Variants in CFAP47 observed in about 807,000 individuals in gnomAD.
CFAP47 encodes cilia and flagella associated protein 47.
CFAP47 carries 29 observed loss-of-function variants against 148.1 expected under a neutral mutation model. The observed-to-expected ratio is 0.20, with a 90% CI of 0.15 to 0.27. CFAP47 has a LOEUF of 0.27. CFAP47 is among the 10% of genes least tolerant of loss of function. CFAP47 has a pLI of 1.00. For missense variants in CFAP47, 1,872 were observed against 1,697.5 expected (o/e 1.10, Z -1.81); for synonymous variants, 664 against 577.3 (o/e 1.15, Z -2.15).
At chrX:36,082,363 C>T (rs1937999302) in intron 29 of CFAP47, among the ~76,000 whole-genome samples, 1 of 111,442 alleles carries the variant, frequency 9.0e-6, no homozygotes. Flanking sequence ...CCCTAATCAC[C>T]AGAAGATAGA....
chrX:36,169,967 C>G (rs1178251242), intron 39 of CFAP47, among the ~76,000 whole-genome samples: 2 of 111,862 alleles, frequency 1.8e-5, no homozygotes, highest in African/African-American at 6.5e-5. Flanking sequence ...AAACAGTGCT[C>G]AGGAATAAGA....
chrX:36,164,475 C>G (rs1602021019), intron 39 of CFAP47, among the ~76,000 whole-genome samples: 2 of 111,575 alleles, frequency 1.8e-5, no homozygotes, highest in Non-Finnish European at 3.8e-5. Flanking sequence ...AGTATAGCTA[C>G]TTCAACATTC....
At chrX:36,020,648 T>C (rs1339843186) in intron 22 of CFAP47, among the ~76,000 whole-genome samples, 1 of 111,893 alleles carries the variant, frequency 8.9e-6, no homozygotes, top group East Asian at 2.8e-4. Context: ...GATAAAAGTG[T>C]AGCTACTCCT....
intron 46 of CFAP47, among the ~76,000 whole-genome samples, chrX:36,231,926 C>T (rs374622854): frequency 9.0e-5 from 10 of 111,255 alleles, no homozygotes; most frequent in South Asian, 3.8e-4. Context: ...TATTGATTTG[C>T]GTATATTGAA....
intron 22 of CFAP47, among the ~76,000 whole-genome samples, chrX:36,029,019 T>G (rs1937252261): frequency 9.0e-6 from 1 of 110,761 alleles, no homozygotes; most frequent in African/African-American, 3.3e-5. Flanking sequence ...CTGGGCTCTT[T>G]TGGGTGGTAG....
intron 47 of CFAP47, among the ~76,000 whole-genome samples, chrX:36,236,406 C>T (rs1555994688): frequency 9.0e-6 from 1 of 111,697 alleles, no homozygotes; most frequent in Non-Finnish European, 1.9e-5. Flanking sequence ...GACAATATTT[C>T]TTTTACATGG....
intron 58 of CFAP47, among the ~76,000 whole-genome samples, chrX:36,348,672 G>C (rs1323229406): frequency 1.8e-5 from 2 of 110,802 alleles, no homozygotes; most frequent in African/African-American, 6.6e-5. Flanking sequence ...CAGCTTGTCT[G>C]AGTGAAGTGA....
At chrX:36,129,560 A>G (rs1485459782) in intron 33 of CFAP47, among the ~76,000 whole-genome samples, 3 of 111,601 alleles carry the variant, frequency 2.7e-5, no homozygotes, top group Non-Finnish European at 5.7e-5. Context: ...CTATGTCTGC[A>G]TTAAAGAATA....
rs781905706 is a variant in CFAP47, at chrX:36,385,013, T to C, written c.*7T>C. The C allele has an allele frequency of 1.4e-4, 160 of 1,112,046 alleles. No individual in the cohort carries two copies. In the South Asian group the frequency reaches 2.9e-3, roughly 20 times the overall value. 91.6% of individuals were successfully genotyped at this position (1,112,046 alleles called of 1,213,427 possible). ...TTTGGTGAAGAATCAATAAAATTTT[T>C]TTCCAAAATATTTCTTGGTCTCAGG... On this transcript the variant is annotated 3_prime_UTR_variant, in exon 64 of 64. Transcript: ENST00000378653.
intron 48 of CFAP47, among the ~76,000 whole-genome samples, chrX:36,247,076 A>G (rs782295322): frequency 2.8e-4 from 31 of 111,802 alleles, no homozygotes; most frequent in African/African-American, 1.0e-3. Flanking sequence ...CATATATACC[A>G]TGGAATACTA....
chrX:36,071,109 C>T (rs956701782), intron 27 of CFAP47, among the ~76,000 whole-genome samples: 7 of 112,468 alleles, frequency 6.2e-5, no homozygotes, highest in African/African-American at 1.9e-4. Context: ...CTACCTCTGG[C>T]TTGCCCTTGA....
chrX:36,118,165 C>A (rs999014407), intron 33 of CFAP47, among the ~76,000 whole-genome samples: 3 of 111,817 alleles, frequency 2.7e-5, no homozygotes, highest in Non-Finnish European at 5.6e-5. Flanking sequence ...AATTTGAAGT[C>A]AGATAATGTG....
intron 45 of CFAP47, among the ~76,000 whole-genome samples, chrX:36,206,651 A>G (rs1237166025): frequency 8.9e-6 from 1 of 111,971 alleles, no homozygotes; most frequent in Non-Finnish European, 1.9e-5. Context: ...ACAGCATAGA[A>G]TTGACTTAAA....
At chrX:36,207,533 T>C (rs1282583387) in intron 45 of CFAP47, among the ~76,000 whole-genome samples, 4 of 111,832 alleles carry the variant, frequency 3.6e-5, no homozygotes, top group Non-Finnish European at 7.5e-5. Context: ...TACTGAAACA[T>C]TTAGTGATTT....
intron 42 of CFAP47, among the ~76,000 whole-genome samples, chrX:36,190,561 C>T (rs781857379): frequency 2.7e-5 from 3 of 112,340 alleles, no homozygotes; most frequent in South Asian, 3.7e-4. Flanking sequence ...GATATTCCGA[C>T]GACAGTCTAT....
chrX:36,279,232 T>C (rs6527550), intron 49 of CFAP47, among the ~76,000 whole-genome samples: 25,811 of 110,301 alleles, frequency 0.23, 2,530 homozygotes, highest in African/African-American at 0.36. Context: ...GTTTTCCATA[T>C]GCGTTTCATT....
chrX:36,314,362 G>A (rs1331007418), intron 56 of CFAP47, among the ~76,000 whole-genome samples: 1 of 111,670 alleles, frequency 9.0e-6, no homozygotes, highest in Non-Finnish European at 1.9e-5. Flanking sequence ...AGCCAGAGTA[G>A]GCCCAGAAAC....
At chrX:36,104,406 A>G in intron 32 of CFAP47, 93 bp from the exon 33 acceptor site, 1 of 374,718 alleles carries the variant, frequency 2.7e-6, no homozygotes, top group Non-Finnish European at 4.7e-6. Flanking sequence ...GCCCTCTTTA[A>G]TCTCCTGTCA....
intron 57 of CFAP47, among the ~76,000 whole-genome samples, chrX:36,332,392 A>T (rs1287145594): frequency 9.0e-6 from 1 of 111,609 alleles, no homozygotes; most frequent in Non-Finnish European, 1.9e-5. Context: ...CATGAGTAGG[A>T]AATAAGTACA....
Sources: gnomAD v4.1 joint callset for allele counts (sites outside exome capture counted in the v4.1 genomes callset) on GRCh38, gnomAD v4.1.1 for gene constraint, MANE v1.5 for transcripts, NCBI Gene and HGNC (gene_info 2026-07-23, HGNC 2026-07-21) for gene names.